The following ASTN2 variants were observed in gnomAD, a reference collection of about 807,000 sequenced individuals.
ASTN2 encodes astrotactin 2.
A neutral mutation model predicts 139.8 loss-of-function variants in ASTN2; 54 were observed. The observed-to-expected ratio is 0.39, with a 90% CI of 0.31 to 0.48. The LOEUF is 0.48. Ranked by LOEUF, ASTN2 falls within the 20% of genes least tolerant of loss-of-function variation. ASTN2 has a pLI of 0.95. For synonymous variants in ASTN2, 756 were observed against 719.5 expected (o/e 1.05, Z -0.81); for missense variants, 1,565 against 1,725.1 (o/e 0.91, Z 1.64).
chr9:117,288,917 G>A (rs1016529243), intron 2 of ASTN2, among the ~76,000 whole-genome samples: 5 of 152,186 alleles, frequency 3.3e-5, no homozygotes, highest in Admixed American at 2.6e-4. Flanking sequence ...ACCCTTAAGT[G>A]CCAAGCTCCT....
chr9:117,361,075 C>G (rs201223899), intron 1 of ASTN2, among the ~76,000 whole-genome samples: 1 of 152,152 alleles, frequency 6.6e-6, no homozygotes, highest in Non-Finnish European at 1.5e-5. Context: ...GGGCTTGCCA[C>G]TCCTGTGACC....
rs1847258617 is a variant in ASTN2, at chr9:116,424,690, G to A, written c.*1161C>T. On this transcript the variant is annotated 3_prime_UTR_variant, in exon 23 of 23. Transcript: ENST00000313400. ...CCTCCCAGGTTCAAGCAATTCTCAT[G>A]CCTCAGCCTCCCAAGTAGCTGGGAT... 6.6e-6 allele frequency among the ~76,000 whole-genome samples: 1 copy of A among 150,866 alleles called. No individual in the cohort carries two copies. The highest frequency in any genetic ancestry group is 6.6e-5 in the Admixed American group (1 of 15,122).
At chr9:116,539,553 G>A (rs1460689554) in intron 19 of ASTN2, among the ~76,000 whole-genome samples, 2 of 152,156 alleles carry the variant, frequency 1.3e-5, no homozygotes, top group African/African-American at 2.4e-5. Context: ...GCACAAGAAC[G>A]ATGCACAGTA....
chr9:117,320,243 TAACTGAAATAAAATACAG>T lies in ASTN2; in HGVS notation c.443-28748_443-28731del, dbSNP rs1163769758. Among the ~76,000 whole-genome samples, 15 of 152,014 alleles carry T rather than the reference TAACTGAAATAAAATACAG, an allele frequency of 9.9e-5. No homozygotes were observed. The East Asian group carries it at 2.7e-3, about 27-fold the overall frequency. On this transcript the variant is annotated intron_variant, in intron 1 of 22. Transcript: ENST00000313400. Reference sequence around the variant, plus strand: ...AAGGCCCACAATGAAATGAAACACATAACTGAAATAAAATACAGAACTGAACTGAACTGAAATGAAATA... The same window carrying T: ...AAGGCCCACAATGAAATGAAACACATAACTGAACTGAACTGAAATGAAATA...
intron 3 of ASTN2, chr9:117,181,232 G>T: frequency 1.7e-6 from 1 of 580,206 alleles, no homozygotes. Flanking sequence ...ATTCTTCACA[G>T]CAATGTATAA....
intron 7 of ASTN2, among the ~76,000 whole-genome samples, chr9:116,982,042 A>G (rs1217379439): frequency 6.6e-6 from 1 of 152,196 alleles, no homozygotes; most frequent in Non-Finnish European, 1.5e-5. Context: ...ACTCTTGGGT[A>G]AAAACAACAA....
intron 19 of ASTN2, among the ~76,000 whole-genome samples, chr9:116,565,631 T>C (rs1853194427): frequency 7.0e-6 from 1 of 143,732 alleles, no homozygotes; most frequent in Non-Finnish European, 1.5e-5. Context: ...CACACCACCA[T>C]GTGGCCTGGC....
chr9:116,911,631 G>A (rs748444350), intron 10 of ASTN2, among the ~76,000 whole-genome samples: 4 of 152,180 alleles, frequency 2.6e-5, no homozygotes, highest in Admixed American at 1.3e-4. Flanking sequence ...TGGTTTATGC[G>A]CGGTGGCTCA....
rs1848782442 is a variant in ASTN2 at position 116,470,585 on chromosome 9, T to A, written c.3497+16774A>T. ...ATTAACTTACAGAAATTATTTAGAA[T>A]GGTGCCTGGTATATTGAAAGCACTC... On this transcript the variant is annotated intron_variant, in intron 20 of 22. Coordinates refer to ENST00000313400, the MANE Select transcript of ASTN2 (RefSeq NM_001365068.1). Among the ~76,000 whole-genome samples the A allele has an allele frequency of 1.3e-5, 2 of 152,202 alleles. 1 individual carries two copies. Among genetic ancestry groups the A allele is most frequent in the South Asian group, 4.1e-4 (2 of 4,828 alleles).
intron 3 of ASTN2, among the ~76,000 whole-genome samples, chr9:117,153,550 TA>T (rs1830370152): frequency 1.3e-5 from 2 of 152,110 alleles, no homozygotes; most frequent in African/African-American, 4.8e-5. Flanking sequence ...AAACAGAGCT[TA>T]ATTAATTTTT....
chr9:117,182,066 GGCT>G (rs931412506), intron 3 of ASTN2, among the ~76,000 whole-genome samples: 16 of 152,088 alleles, frequency 1.1e-4, no homozygotes, highest in Non-Finnish European at 4.4e-5. Context: ...CAGTTCACAA[GGCT>G]GCTGTTCCCC....
chr9:116,483,265 G>A (rs1255532742), intron 20 of ASTN2, among the ~76,000 whole-genome samples: 1 of 152,244 alleles, frequency 6.6e-6, no homozygotes, highest in Non-Finnish European at 1.5e-5. Flanking sequence ...AAATAAACAA[G>A]GAAATTCAAT....
At chr9:116,561,220 T>G (rs1464873038) in intron 19 of ASTN2, among the ~76,000 whole-genome samples, 1 of 152,170 alleles carries the variant, frequency 6.6e-6, no homozygotes, top group African/African-American at 2.4e-5. Context: ...GTGATGCATT[T>G]GGTCATCTTC....
At chr9:116,682,685 A>G (rs1049892326) in intron 16 of ASTN2, among the ~76,000 whole-genome samples, 2 of 152,234 alleles carry the variant, frequency 1.3e-5, no homozygotes, top group African/African-American at 4.8e-5. Flanking sequence ...ACCATGGAAT[A>G]CTATGCAGCC....
chr9:116,813,209 C>T (rs1035435151), intron 12 of ASTN2, among the ~76,000 whole-genome samples: 1 of 151,994 alleles, frequency 6.6e-6, no homozygotes, highest in Non-Finnish European at 1.5e-5. Flanking sequence ...AGATACATAC[C>T]GGGCATTTTA....
At chr9:117,180,763 C>T (rs1302518726) in intron 3 of ASTN2, 2 of 1,569,824 alleles carry the variant, frequency 1.3e-6, no homozygotes, top group Admixed American at 1.7e-5. Flanking sequence ...CTTGACCCCA[C>T]AGCCATCAGG....
chr9:116,900,376 C>T (rs1833977800), intron 10 of ASTN2, among the ~76,000 whole-genome samples: 1 of 152,114 alleles, frequency 6.6e-6, no homozygotes, highest in African/African-American at 2.4e-5. Flanking sequence ...AAGGGTTTGT[C>T]ATTTTTTTCA....
intron 20 of ASTN2, among the ~76,000 whole-genome samples, chr9:116,452,395 T>G (rs80183358): frequency 6.6e-6 from 1 of 152,214 alleles, no homozygotes; most frequent in Non-Finnish European, 1.5e-5. Flanking sequence ...ACTAGCTATG[T>G]GGCTTTGGTG....
rs1828076479 is a variant in ASTN2, at chr9:116,709,265, A to G, written c.2806+16506T>C. On this transcript the variant is annotated intron_variant, in intron 16 of 22. Coordinates refer to ENST00000313400, the MANE Select transcript of ASTN2 (RefSeq NM_001365068.1). Reference sequence around the variant, plus strand: ...CACCCTCAGCCCCTTGCTAAATACCATGGTGCTGGTAAAAGTCATCCCCCT... The same window carrying G: ...CACCCTCAGCCCCTTGCTAAATACCGTGGTGCTGGTAAAAGTCATCCCCCT... Among the ~76,000 whole-genome samples the G allele has an allele frequency of 2.0e-5, 3 of 152,184 alleles. No individual in the cohort carries two copies. In the South Asian group the frequency reaches 6.2e-4, roughly 32 times the overall value.
Sources: gnomAD v4.1 joint callset for allele counts (sites outside exome capture counted in the v4.1 genomes callset) on GRCh38, gnomAD v4.1.1 for gene constraint, MANE v1.5 for transcripts, NCBI Gene and HGNC (gene_info 2026-07-23, HGNC 2026-07-21) for gene names.